AKAP13: variants seen among roughly 807,000 people sequenced by gnomAD.
The protein encoded by AKAP13 is A-kinase anchoring protein 13.
Under a neutral mutation model 264.5 loss-of-function variants are expected in AKAP13, and 80 were observed. The ratio of observed to expected loss-of-function variants is 0.30; its 90% CI spans 0.25 to 0.36. The LOEUF (loss-of-function observed/expected upper bound fraction) is 0.36. Among genes scored for constraint, AKAP13 ranks in the 10% least tolerant of loss-of-function variants. The pLI is 1.00. For missense variants in AKAP13, 3,712 were observed against 3,435.2 expected (o/e 1.08, Z -2.01); for synonymous variants, 1,380 against 1,250.2 (o/e 1.10, Z -2.19).
chr15:85,691,087 C>T (rs1422882151), intron 16 of AKAP13, among the ~76,000 whole-genome samples: 1 of 152,144 alleles, frequency 6.6e-6, no homozygotes, highest in Non-Finnish European at 1.5e-5. Flanking sequence ...GTTATTGAGT[C>T]AGACGAAATG....
chr15:85,701,511 C>T (rs2085911683), intron 17 of AKAP13, among the ~76,000 whole-genome samples: 1 of 152,170 alleles, frequency 6.6e-6, no homozygotes, highest in Non-Finnish European at 1.5e-5. Flanking sequence ...GCAATCTCGG[C>T]TCACTGCAAC....
Position 85,523,890 on chromosome 15 carries a change from G to A in AKAP13, c.181+2315G>A, listed in dbSNP as rs554743901. Among the ~76,000 whole-genome samples the A allele has an allele frequency of 2.7e-5, 4 of 150,056 alleles. No homozygotes were observed. The South Asian group carries it at 8.4e-4, about 31-fold the overall frequency. On this transcript the variant is annotated intron_variant, in intron 3 of 36. Coordinates refer to ENST00000394518, the MANE Select transcript of AKAP13 (RefSeq NM_007200.5). ...CATTTTTAGCTTGGAGAAGGAATAC[G>A]ATGATTTTTGTGTACCAGTTAGCTG...
chr15:85,504,633 A>C (rs550149369), intron 2 of AKAP13, among the ~76,000 whole-genome samples: 1 of 147,910 alleles, frequency 6.8e-6, no homozygotes, highest in Non-Finnish European at 1.5e-5. Context: ...TCGAAGCTGC[A>C]GTGAGCCATG....
At chr15:85,578,797 G>A (rs1364167876) in intron 6 of AKAP13, 133 bp from the exon 7 acceptor site, 11 of 775,172 alleles carry the variant, frequency 1.4e-5, no homozygotes, top group Non-Finnish European at 2.1e-5. Context: ...TATTCTTTTA[G>A]ATTCGCTTAT....
At chr15:85,406,296 G>A (rs1159532979) in intron 1 of AKAP13, among the ~76,000 whole-genome samples, 2 of 152,114 alleles carry the variant, frequency 1.3e-5, no homozygotes, top group Non-Finnish European at 2.9e-5. Context: ...AGAGTGAAGG[G>A]ACCATGATTA....
Position 85,581,958 on chromosome 15 carries a change from C to T in AKAP13, c.3890C>T (p.Thr1297Ile), listed in dbSNP as rs1398417022. ...PLTKGLESAFTEKVSTFPPGE... is the reference protein window; with the variant it reads ...PLTKGLESAFIEKVSTFPPGE... ...ACTAAAGGACTAGAGAGTGCTTTTA[C>T]AGAAAAAGTGAGTACTTTCCCACCT... Residue 1297 changes from threonine (T) to isoleucine (I), a missense_variant, in exon 7 of 37, where the codon ACA (threonine) becomes ATA (isoleucine). Thr to Ile is a moderately conservative substitution (Grantham distance 89). Around this residue, in one of 3 missense-constraint regions of AKAP13, gnomAD observed 2,759 missense variants for 2,411.7 expected, o/e 1.14. Transcript: ENST00000394518. 4 of 1,614,136 alleles carry T rather than the reference C, an allele frequency of 2.5e-6. No homozygotes were observed. The highest frequency in any genetic ancestry group is 1.7e-5 in the Admixed American group (1 of 60,030).
intron 8 of AKAP13, among the ~76,000 whole-genome samples, chr15:85,600,337 A>T (rs63238960): frequency 6.9e-6 from 1 of 145,450 alleles, no homozygotes; most frequent in South Asian, 2.1e-4. Context: ...AAAAAAAAAA[A>T]GGCTAGCTTA....
In AKAP13 at chr15:85,563,724, A is replaced by G. The variant is rs78202242; in HGVS notation, c.663-11407A>G. Among the ~76,000 whole-genome samples the G allele has an allele frequency of 7.1e-3, 1,088 of 152,266 alleles. 17 individuals carry two copies. Among genetic ancestry groups the G allele is most frequent in the African/African-American group, 0.025 (1,024 of 41,536 alleles). ...GATTCAAATCTATTACTTGTTAGCAATGTGCTAAGTAAGAGGGTGCTAATA... is the reference window on the plus strand; with the variant it reads ...GATTCAAATCTATTACTTGTTAGCAGTGTGCTAAGTAAGAGGGTGCTAATA... On this transcript the variant is annotated intron_variant, in intron 5 of 36. Transcript: ENST00000394518.
At chr15:85,489,143 C>T (rs2151066798) in intron 2 of AKAP13, among the ~76,000 whole-genome samples, 1 of 152,322 alleles carries the variant, frequency 6.6e-6, no homozygotes. Flanking sequence ...GATGGCACAG[C>T]TAATTGGTGG....
intron 8 of AKAP13, among the ~76,000 whole-genome samples, chr15:85,611,154 A>G (rs1381848136): frequency 6.6e-6 from 1 of 152,194 alleles, no homozygotes; most frequent in African/African-American, 2.4e-5. Flanking sequence ...AGCATTTCGC[A>G]CTGTTTACTA....
At chr15:85,655,126 A>T (rs2083038897) in intron 10 of AKAP13, among the ~76,000 whole-genome samples, 1 of 152,118 alleles carries the variant, frequency 6.6e-6, no homozygotes, top group Non-Finnish European at 1.5e-5. Flanking sequence ...CAGGAGGCGG[A>T]GGTTGTGGTG....
intron 1 of AKAP13, among the ~76,000 whole-genome samples, chr15:85,427,164 C>T: frequency 6.6e-6 from 1 of 151,940 alleles, no homozygotes; most frequent in Non-Finnish European, 1.5e-5. Context: ...ACCGTGTTAG[C>T]TAGGACGGTC....
intron 5 of AKAP13, among the ~76,000 whole-genome samples, chr15:85,570,286 A>G (rs931838555): frequency 6.6e-6 from 1 of 151,802 alleles, no homozygotes; most frequent in Non-Finnish European, 1.5e-5. Context: ...CCCCATCTCT[A>G]CTAAAAATAG....
chr15:85,669,236 T>TA (rs910469195), intron 13 of AKAP13, among the ~76,000 whole-genome samples: 5 of 151,452 alleles, frequency 3.3e-5, no homozygotes, highest in Non-Finnish European at 5.9e-5. Context: ...AGACTCTGTC[T>TA]AAAAAAAAAT....
intron 7 of AKAP13, 76 bp from the exon 8 acceptor site, chr15:85,585,626 G>A (rs2079308083): frequency 6.3e-7 from 1 of 1,585,578 alleles, no homozygotes; most frequent in Non-Finnish European, 8.6e-7. Flanking sequence ...CATGAAACCT[G>A]GAGCATGTTG....
At chr15:85,504,523 A>AAAAAAAAAAAAAG (rs2076140804) in intron 2 of AKAP13, among the ~76,000 whole-genome samples, 1 of 137,616 alleles carries the variant, frequency 7.3e-6, no homozygotes, top group South Asian at 2.3e-4. Context: ...AAAAAAAAAA[A>AAAAAAAAAAAAAG]AAAAAAAAAA....
At position 85,715,937 on chromosome 15, in the gene AKAP13, T is replaced by C. The variant is rs1398263156; in HGVS notation, c.5735+14T>C. On this transcript the variant is annotated intron_variant, in intron 20 of 36. Coordinates refer to ENST00000394518, the MANE Select transcript of AKAP13 (RefSeq NM_007200.5). ...GAACATTACTGGGTAAGTGGAGATA[T>C]TTAAAGATAGCACAGTTGGCATCTA... The C allele has an allele frequency of 6.2e-7, 1 of 1,609,352 alleles. No individual in the cohort carries two copies. The highest frequency in any genetic ancestry group is 1.7e-5 in the Admixed American group (1 of 58,586).
At chr15:85,572,827 A>G (rs2078868495) in intron 5 of AKAP13, among the ~76,000 whole-genome samples, 1 of 151,990 alleles carries the variant, frequency 6.6e-6, no homozygotes, top group Admixed American at 6.6e-5. Context: ...CTAGCCCCCA[A>G]CCACCTGACC....
intron 16 of AKAP13, chr15:85,689,932 C>G (rs777276401): frequency 6.6e-6 from 1 of 152,272 alleles, no homozygotes; most frequent in African/African-American, 2.4e-5. Context: ...CTTCCTCTTA[C>G]GATTTCACTA....
Sources: allele counts gnomAD v4.1 joint callset (sites outside exome capture counted in the v4.1 genomes callset), GRCh38; gene constraint gnomAD v4.1.1; regional missense constraint gnomAD v4.1.1; transcripts MANE v1.5; gene names NCBI Gene and HGNC (gene_info 2026-07-23, HGNC 2026-07-21).